Variants in MEF2A observed in about 807,000 individuals in gnomAD.
The protein encoded by MEF2A is myocyte enhancer factor 2A, also known as myocyte-specific enhancer factor 2A.
A neutral mutation model predicts 55.8 loss-of-function variants in MEF2A; 28 were observed. The ratio of observed to expected loss-of-function variants is 0.50; its 90% CI spans 0.37 to 0.69. The LOEUF (loss-of-function observed/expected upper bound fraction) is 0.69. Among genes scored for constraint, MEF2A ranks in the 30% least tolerant of loss-of-function variants. The pLI, the probability that MEF2A is intolerant of heterozygous loss-of-function variation, is 0.00. For synonymous variants in MEF2A, 239 were observed against 227.1 expected (o/e 1.05, Z -0.47); for missense variants, 528 against 626.2 (o/e 0.84, Z 1.67).
chr15:99,634,020 G>A (rs989955124), intron 3 of MEF2A, among the ~76,000 whole-genome samples: 1 of 152,116 alleles, frequency 6.6e-6, no homozygotes, highest in Non-Finnish European at 1.5e-5. Flanking sequence ...GAAGAAAGAA[G>A]GAAAAATAAT....
chr15:99,654,009 G>C (rs1323262223), intron 4 of MEF2A, among the ~76,000 whole-genome samples: 1 of 151,998 alleles, frequency 6.6e-6, no homozygotes, highest in Non-Finnish European at 1.5e-5. Flanking sequence ...ACATTAGCTT[G>C]CTTTTTTTGC....
At chr15:99,594,024 A>G (rs1002991297) in intron 1 of MEF2A, among the ~76,000 whole-genome samples, 2 of 152,104 alleles carry the variant, frequency 1.3e-5, no homozygotes. Flanking sequence ...CCACTTACCA[A>G]GTAGTTCTCC....
chr15:99,655,275 G>A (rs867053706), intron 4 of MEF2A, among the ~76,000 whole-genome samples: 10 of 152,206 alleles, frequency 6.6e-5, no homozygotes, highest in African/African-American at 1.9e-4. Context: ...GAAAAGGACA[G>A]TCTTTTCAAT....
intron 2 of MEF2A, among the ~76,000 whole-genome samples, chr15:99,609,335 C>G (rs1331637057): frequency 6.6e-6 from 1 of 152,138 alleles, no homozygotes; most frequent in East Asian, 1.9e-4. Flanking sequence ...TGTATAATAA[C>G]CTAATTTAAT....
Position 99,716,286 on chromosome 15 carries a change from T to C in MEF2A, c.*3515T>C. On this transcript the variant is annotated 3_prime_UTR_variant, in exon 12 of 12. Coordinates refer to ENST00000557942, the MANE Select transcript of MEF2A (RefSeq NM_001319206.4). ...TGTAAAACCGTTTGGCGGCACAAGC[T>C]GGACTTTGTTGCCATCCTTGAGATG... 1 of 345,410 alleles carries C rather than the reference T, an allele frequency of 2.9e-6. No individual in the cohort carries two copies. The highest frequency in any genetic ancestry group is 5.7e-6 in the Non-Finnish European group (1 of 174,100). 21.4% of individuals were successfully genotyped at this position (345,410 alleles called of 1,614,324 possible). A position where few individuals can be genotyped will look rare whatever the true frequency, so the allele number is the denominator to read the frequency against.
intron 7 of MEF2A, chr15:99,678,721 C>T (rs2052603157): frequency 2.1e-6 from 2 of 967,478 alleles, no homozygotes; most frequent in Non-Finnish European, 2.5e-6. Context: ...AAGGCAAAGA[C>T]TTCTTAAATA....
intron 2 of MEF2A, among the ~76,000 whole-genome samples, chr15:99,617,730 A>AT (rs1038303274): frequency 2.9e-4 from 44 of 151,444 alleles, no homozygotes; most frequent in African/African-American, 7.7e-4. Flanking sequence ...TTCATTCTAA[A>AT]TTTTTTTTTG....
intron 3 of MEF2A, among the ~76,000 whole-genome samples, chr15:99,642,663 T>C (rs1253389992): frequency 6.6e-6 from 1 of 152,204 alleles, no homozygotes; most frequent in Admixed American, 6.5e-5. Context: ...TTATTTTCTT[T>C]ATTTATTTTG....
chr15:99,608,896 C>T (rs1410821645), intron 2 of MEF2A, among the ~76,000 whole-genome samples: 2 of 148,882 alleles, frequency 1.3e-5, no homozygotes, highest in Non-Finnish European at 3.0e-5. Context: ...AGTGAAACTC[C>T]GTCTCAAAAA....
intron 4 of MEF2A, among the ~76,000 whole-genome samples, chr15:99,650,537 A>C (rs751209457): frequency 9.2e-5 from 14 of 152,216 alleles, no homozygotes; most frequent in Non-Finnish European, 1.8e-4. Flanking sequence ...ACATTGAGGC[A>C]ATGGAGACAC....
chr15:99,636,658 A>T (rs920858456), intron 3 of MEF2A, among the ~76,000 whole-genome samples: 2 of 151,318 alleles, frequency 1.3e-5, no homozygotes, highest in Admixed American at 6.6e-5. Flanking sequence ...TTAATGTTTT[A>T]AAAAATCAAT....
At chr15:99,642,097 T>A (rs562037653) in intron 3 of MEF2A, among the ~76,000 whole-genome samples, 2 of 152,350 alleles carry the variant, frequency 1.3e-5, no homozygotes, top group South Asian at 4.1e-4. Context: ...ATTGTCTTTA[T>A]ACTTGAAGTC....
At chr15:99,610,825 C>G (rs1287320191) in intron 2 of MEF2A, among the ~76,000 whole-genome samples, 6 of 152,168 alleles carry the variant, frequency 3.9e-5, no homozygotes, top group Admixed American at 2.0e-4. Flanking sequence ...TAGGCTAAGT[C>G]TTCATGATCC....
At chr15:99,620,443 T>A (rs1205387687) in intron 2 of MEF2A, among the ~76,000 whole-genome samples, 2 of 152,218 alleles carry the variant, frequency 1.3e-5, no homozygotes, top group Non-Finnish European at 2.9e-5. Flanking sequence ...CAGTGGGATT[T>A]GGTTTCTGTT....
intron 1 of MEF2A, among the ~76,000 whole-genome samples, chr15:99,597,626 C>T (rs888566362): frequency 6.6e-6 from 1 of 152,286 alleles, no homozygotes; most frequent in South Asian, 2.1e-4. Context: ...ACTCCCTCCC[C>T]TTTTGAAACT....
chr15:99,606,023 CTT>C (rs1434754115), intron 2 of MEF2A, among the ~76,000 whole-genome samples: 1 of 152,132 alleles, frequency 6.6e-6, no homozygotes. Flanking sequence ...CTATTAAAAA[CTT>C]ATATAAATCT....
At chr15:99,593,770 TG>T (rs764310115) in intron 1 of MEF2A, among the ~76,000 whole-genome samples, 1 of 152,190 alleles carries the variant, frequency 6.6e-6, no homozygotes, top group Non-Finnish European at 1.5e-5. Context: ...TATGGAAAAT[TG>T]GAAGCTGAGT....
chr15:99,579,464 A>T (rs1428262916), intron 1 of MEF2A, among the ~76,000 whole-genome samples: 1 of 151,942 alleles, frequency 6.6e-6, no homozygotes, highest in African/African-American at 2.4e-5. Context: ...GCGTGATCTC[A>T]GCTCAGTGCA....
chr15:99,641,711 G>C (rs2045005761), intron 3 of MEF2A, among the ~76,000 whole-genome samples: 1 of 152,086 alleles, frequency 6.6e-6, no homozygotes, highest in Admixed American at 6.6e-5. Context: ...GCGACAGAGT[G>C]AGACTCTGTC....
Sources: allele counts gnomAD v4.1 joint callset (sites outside exome capture counted in the v4.1 genomes callset), GRCh38; gene constraint gnomAD v4.1.1; transcripts MANE v1.5; gene names NCBI Gene and HGNC (gene_info 2026-07-23, HGNC 2026-07-21).